ANKS1B: variants seen among roughly 807,000 people sequenced by gnomAD.
ANKS1B encodes the protein ankyrin repeat and sterile alpha motif domain containing 1B.
A neutral mutation model predicts 148.3 loss-of-function variants in ANKS1B; 36 were observed. The observed-to-expected ratio is 0.24, with a 90% CI of 0.19 to 0.32. The LOEUF is 0.32. ANKS1B is among the 10% of genes least tolerant of loss of function. The pLI is 1.00. For synonymous variants in ANKS1B, 542 were observed against 560.8 expected, an observed-to-expected ratio of 0.97 and a Z score of 0.47; for missense variants, 1,157 against 1,542.6, an observed-to-expected ratio of 0.75 and a Z score of 4.19.
At chr12:99,795,355 G>A (rs1016656224) in intron 4 of ANKS1B, among the ~76,000 whole-genome samples, 5 of 151,780 alleles carry the variant, frequency 3.3e-5, no homozygotes, top group Non-Finnish European at 5.9e-5. Context: ...TCAGAAGAAA[G>A]TATAATACCT....
intron 17 of ANKS1B, among the ~76,000 whole-genome samples, chr12:98,955,011 T>C (rs2099860006): frequency 6.6e-6 from 1 of 152,016 alleles, no homozygotes; most frequent in Non-Finnish European, 1.5e-5. Context: ...ATTGATATAT[T>C]GTATCTATAG....
At chr12:99,766,692 G>A (rs1034935661) in intron 8 of ANKS1B, among the ~76,000 whole-genome samples, 1 of 152,058 alleles carries the variant, frequency 6.6e-6, no homozygotes, top group African/African-American at 2.4e-5. Flanking sequence ...GATTGTTCAG[G>A]TTAGAATGTT....
chr12:99,720,184 A>G (rs1400529494), intron 8 of ANKS1B, among the ~76,000 whole-genome samples: 1 of 152,156 alleles, frequency 6.6e-6, no homozygotes, highest in African/African-American at 2.4e-5. Flanking sequence ...ACTACCCTTC[A>G]GGGATTGTTC....
intron 2 of ANKS1B, among the ~76,000 whole-genome samples, chr12:99,812,807 A>G (rs2068599494): frequency 6.6e-6 from 1 of 151,618 alleles, no homozygotes; most frequent in East Asian, 1.9e-4. Context: ...ACACACAAAA[A>G]GTTATCATAA....
At chr12:99,595,794 A>C (rs1222006958) in intron 9 of ANKS1B, among the ~76,000 whole-genome samples, 1 of 151,980 alleles carries the variant, frequency 6.6e-6, no homozygotes, top group Non-Finnish European at 1.5e-5. Context: ...CATAGCATAC[A>C]TCTTTTATTG....
intron 9 of ANKS1B, among the ~76,000 whole-genome samples, chr12:99,623,496 A>G (rs2098079189): frequency 6.6e-6 from 1 of 152,162 alleles, no homozygotes; most frequent in South Asian, 2.1e-4. Flanking sequence ...CTATACCTAG[A>G]ATACCCTAAA....
intron 11 of ANKS1B, among the ~76,000 whole-genome samples, chr12:99,403,203 C>T (rs7138761): frequency 9.0e-6 from 1 of 110,528 alleles, no homozygotes; most frequent in Admixed American, 1.1e-4. Flanking sequence ...ATCACCCAGG[C>T]TGGAGTGCAG....
chr12:98,915,917 G>A (rs60675749), intron 17 of ANKS1B, among the ~76,000 whole-genome samples: 2,811 of 152,214 alleles, frequency 0.018, 64 homozygotes, highest in African/African-American at 0.057. Context: ...TGGATGCCAC[G>A]TCAGTCTGTC....
At chr12:99,834,860 G>A (rs2084581177) in intron 1 of ANKS1B, among the ~76,000 whole-genome samples, 1 of 152,300 alleles carries the variant, frequency 6.6e-6, no homozygotes, top group African/African-American at 2.4e-5. Flanking sequence ...TGCATTTAAT[G>A]CCTCAGGCAG....
intron 9 of ANKS1B, among the ~76,000 whole-genome samples, chr12:99,587,751 G>A (rs181355330): frequency 1.3e-5 from 2 of 152,244 alleles, no homozygotes; most frequent in Admixed American, 1.3e-4. Context: ...CACTTTCAGT[G>A]GATTCAGACC....
chr12:99,711,727 A>G (rs2056665164), intron 8 of ANKS1B, among the ~76,000 whole-genome samples: 1 of 152,192 alleles, frequency 6.6e-6, no homozygotes, highest in East Asian at 1.9e-4. Context: ...AGAAAAGGGA[A>G]CATTTATACA....
At chr12:99,007,365 C>T (rs1568327288) in intron 17 of ANKS1B, among the ~76,000 whole-genome samples, 2 of 152,168 alleles carry the variant, frequency 1.3e-5, no homozygotes, top group Non-Finnish European at 2.9e-5. Flanking sequence ...GCCTGTTGGA[C>T]TTTTTATGAA....
chr12:99,543,168 G>A (rs2097142526), intron 9 of ANKS1B, among the ~76,000 whole-genome samples: 1 of 151,812 alleles, frequency 6.6e-6, no homozygotes, highest in Non-Finnish European at 1.5e-5. Context: ...GTGGGCAAAG[G>A]AATAAGTATT....
intron 17 of ANKS1B, among the ~76,000 whole-genome samples, chr12:99,029,363 C>G (rs1241647837): frequency 2.0e-5 from 3 of 152,066 alleles, no homozygotes; most frequent in African/African-American, 7.2e-5. Context: ...TTTTTCCCAC[C>G]CTGAGCCACA....
chr12:99,154,701 C>T (rs901670177), intron 14 of ANKS1B: 2 of 1,436,382 alleles, frequency 1.4e-6, no homozygotes, highest in African/African-American at 1.4e-5. Context: ...GAAGGCATAT[C>T]AAGCTGTCAG....
chr12:99,523,270 G>C (rs1341438504), intron 9 of ANKS1B, among the ~76,000 whole-genome samples: 1 of 152,158 alleles, frequency 6.6e-6, no homozygotes, highest in Non-Finnish European at 1.5e-5. Context: ...AAAATGGTGA[G>C]TATTAAACCC....
At chr12:99,309,186 G>A (rs2082793459) in intron 12 of ANKS1B, among the ~76,000 whole-genome samples, 1 of 151,588 alleles carries the variant, frequency 6.6e-6, no homozygotes, top group African/African-American at 2.4e-5. Context: ...TTACCTCATT[G>A]CATTGGCCAG....
At chr12:99,238,866 T>A (rs1259664737) in intron 14 of ANKS1B, among the ~76,000 whole-genome samples, 1 of 152,096 alleles carries the variant, frequency 6.6e-6, no homozygotes, top group Admixed American at 6.5e-5. Flanking sequence ...AGGAATAGCA[T>A]CTACAGCAAC....
rs139623487 is a variant in ANKS1B, at chr12:99,036,764, A to C, written c.2778+16393T>G. On this transcript the variant is annotated intron_variant, in intron 17 of 26. Transcript: ENST00000683438. ...GGTCTGAAGGAAGGAAGATATCCAC[A>C]AATGCATGAGGCCTTATTATGCTTT... Among the ~76,000 whole-genome samples, 6 of 152,344 alleles carry C rather than the reference A, an allele frequency of 3.9e-5. No homozygotes were observed. In the East Asian group the frequency reaches 1.2e-3, roughly 29 times the overall value.
Sources: allele counts gnomAD v4.1 joint callset (sites outside exome capture counted in the v4.1 genomes callset), GRCh38; gene constraint gnomAD v4.1.1; transcripts MANE v1.5; gene names NCBI Gene and HGNC (gene_info 2026-07-23, HGNC 2026-07-21).